PTPRD: variants seen among roughly 807,000 people sequenced by gnomAD.
The protein encoded by PTPRD is receptor-type tyrosine-protein phosphatase delta.
In PTPRD, 34 loss-of-function variants were observed where a neutral mutation model predicts 214.5. That is an observed-to-expected ratio of 0.16 (90% CI 0.12 to 0.21). PTPRD has a LOEUF of 0.21. Among genes scored for constraint, PTPRD ranks in the 10% least tolerant of loss-of-function variants. PTPRD has a pLI of 1.00. For synonymous variants in PTPRD, 1,128 were observed against 845.7 expected, an observed-to-expected ratio of 1.33 and a Z score of -5.79; for missense variants, 2,545 against 2,398.7, an observed-to-expected ratio of 1.06 and a Z score of -1.27.
At chr9:10,026,635 G>C (rs1429775299) in intron 4 of PTPRD, among the ~76,000 whole-genome samples, 1 of 152,108 alleles carries the variant, frequency 6.6e-6, no homozygotes, top group Non-Finnish European at 1.5e-5. Context: ...AGGGGGCATT[G>C]TTTTCTCAAT....
At chr9:9,347,440 G>T (rs2049297898) in intron 9 of PTPRD, among the ~76,000 whole-genome samples, 1 of 151,772 alleles carries the variant, frequency 6.6e-6, no homozygotes, top group Admixed American at 6.6e-5. Flanking sequence ...TCCCTTCAAT[G>T]TTACATTGTT....
At chr9:9,463,002 T>TA (rs1435458563) in intron 8 of PTPRD, among the ~76,000 whole-genome samples, 1 of 152,100 alleles carries the variant, frequency 6.6e-6, no homozygotes, top group East Asian at 1.9e-4. Context: ...CTACCAAAAG[T>TA]AAAAAAGATT....
At chr9:8,821,654 C>T (rs1221535788) in intron 11 of PTPRD, among the ~76,000 whole-genome samples, 1 of 152,134 alleles carries the variant, frequency 6.6e-6, no homozygotes, top group East Asian at 1.9e-4. Flanking sequence ...GAAATAACAA[C>T]ATCCATCCAA....
intron 3 of PTPRD, among the ~76,000 whole-genome samples, chr9:10,118,456 A>T (rs187719058): frequency 7.2e-5 from 11 of 151,840 alleles, no homozygotes; most frequent in Non-Finnish European, 1.5e-4. Context: ...TAAAATAACA[A>T]GCCCCAAATA....
At chr9:9,812,865 G>A (rs573386804) in intron 5 of PTPRD, among the ~76,000 whole-genome samples, 3 of 152,142 alleles carry the variant, frequency 2.0e-5, no homozygotes, top group South Asian at 2.1e-4. Flanking sequence ...ATTCTCCAGG[G>A]TATATTGTGT....
chr9:10,143,073 A>G lies in PTPRD; in HGVS notation c.-544-109283T>C, dbSNP rs142808254. Among the ~76,000 whole-genome samples, 1,405 of 152,148 alleles carry G rather than the reference A, an allele frequency of 9.2e-3. 15 individuals carry two copies. Among genetic ancestry groups the G allele is most frequent in the Non-Finnish European group, 0.013 (909 of 68,014 alleles). On this transcript the variant is annotated intron_variant, in intron 3 of 45. Transcript: ENST00000381196. ...GTCACTCATAGGTGGGAATTGAACA[A>G]TGAGAAAACATGGACACAGGAAGGG...
chr9:9,335,969 T>C (rs2044285473), intron 9 of PTPRD, among the ~76,000 whole-genome samples: 1 of 151,430 alleles, frequency 6.6e-6, no homozygotes, highest in South Asian at 2.1e-4. Flanking sequence ...TAAAATAACT[T>C]TCAAAAAAGA....
chr9:9,810,698 G>C (rs2046872482), intron 5 of PTPRD, among the ~76,000 whole-genome samples: 1 of 151,806 alleles, frequency 6.6e-6, no homozygotes, highest in Non-Finnish European at 1.5e-5. Context: ...AGGTATAAAG[G>C]ATATCAATGT....
chr9:9,851,332 A>T (rs1227168303), intron 5 of PTPRD, among the ~76,000 whole-genome samples: 1 of 152,230 alleles, frequency 6.6e-6, no homozygotes, highest in African/African-American at 2.4e-5. Flanking sequence ...TCGTCAGGCC[A>T]GCCTTGGCAT....
intron 9 of PTPRD, among the ~76,000 whole-genome samples, chr9:9,191,751 C>T (rs1364307658): frequency 6.6e-6 from 1 of 151,946 alleles, no homozygotes; most frequent in Non-Finnish European, 1.5e-5. Flanking sequence ...TAGCTTCTTG[C>T]ATCAATTAAT....
intron 11 of PTPRD, among the ~76,000 whole-genome samples, chr9:8,838,763 T>C (rs1184970391): frequency 1.3e-5 from 2 of 152,136 alleles, no homozygotes; most frequent in Non-Finnish European, 2.9e-5. Flanking sequence ...TACTTTCAGA[T>C]ACTTCACCTA....
chr9:10,420,840 T>C (rs925797312), intron 2 of PTPRD, among the ~76,000 whole-genome samples: 2 of 151,492 alleles, frequency 1.3e-5, no homozygotes, highest in African/African-American at 4.8e-5. Context: ...GGTACCTTCT[T>C]TTTTTTTATT....
intron 3 of PTPRD, among the ~76,000 whole-genome samples, chr9:10,199,743 A>C (rs933182732): frequency 6.6e-6 from 1 of 152,014 alleles, no homozygotes; most frequent in African/African-American, 2.4e-5. Context: ...CCCAAGTCTG[A>C]TTCCAAAGCC....
At chr9:9,672,780 T>G (rs749985228) in intron 7 of PTPRD, among the ~76,000 whole-genome samples, 1 of 152,068 alleles carries the variant, frequency 6.6e-6, no homozygotes, top group South Asian at 2.1e-4. Context: ...ACTGTATAGC[T>G]AGTAAAAGTA....
rs578209632 is a variant in PTPRD at position 9,687,286 on chromosome 9, G to C, written c.-287+47247C>G. 2.2e-4 allele frequency among the ~76,000 whole-genome samples: 33 copies of C among 151,882 alleles called. 2 individuals carry two copies. In the South Asian group the frequency reaches 6.8e-3, roughly 31 times the overall value. On this transcript the variant is annotated intron_variant, in intron 7 of 45. Transcript: ENST00000381196. ...CAGACCTTGCTAAAATGAAGAAACA[G>C]GATCTACTAAAATAAACCTTACACA...
intron 2 of PTPRD, among the ~76,000 whole-genome samples, chr9:10,448,465 T>C (rs2098814656): frequency 6.6e-6 from 1 of 151,956 alleles, no homozygotes; most frequent in Non-Finnish European, 1.5e-5. Flanking sequence ...CTAAGTATAA[T>C]AAGTATAATA....
At chr9:10,443,502 G>A (rs574173946) in intron 2 of PTPRD, among the ~76,000 whole-genome samples, 2 of 151,574 alleles carry the variant, frequency 1.3e-5, no homozygotes, top group African/African-American at 2.4e-5. Flanking sequence ...CAATAATACT[G>A]AGAAAAGAAA....
Position 8,872,803 on chromosome 9 carries a change from G to C in PTPRD, c.-103-138857C>G, listed in dbSNP as rs1355535737. ...TCAGTACAGGAGGCGGCATTTGCCA[G>C]TACAACAAGAAACCAGCCAAGTTGC... On this transcript the variant is annotated intron_variant, in intron 11 of 45. Coordinates refer to ENST00000381196, the MANE Select transcript of PTPRD (RefSeq NM_002839.4). 2.6e-5 allele frequency among the ~76,000 whole-genome samples: 4 copies of C among 152,190 alleles called. No individual in the cohort carries two copies. The South Asian group carries it at 8.3e-4, about 31-fold the overall frequency.
chr9:10,093,986 T>G (rs1313659451), intron 3 of PTPRD, among the ~76,000 whole-genome samples: 1 of 151,380 alleles, frequency 6.6e-6, no homozygotes, highest in Non-Finnish European at 1.5e-5. Context: ...TATAGGGTAC[T>G]ATGCTCACTA....
Sources: gnomAD v4.1 joint callset for allele counts (sites outside exome capture counted in the v4.1 genomes callset) on GRCh38, gnomAD v4.1.1 for gene constraint, MANE v1.5 for transcripts, NCBI Gene and HGNC (gene_info 2026-07-23, HGNC 2026-07-21) for gene names.